Variants in RPS6KA2 observed in about 807,000 individuals in gnomAD.
RPS6KA2 encodes ribosomal protein S6 kinase alpha-2.
A neutral mutation model predicts 91.8 loss-of-function variants in RPS6KA2; 42 were observed. The ratio of observed to expected loss-of-function variants is 0.46; its 90% CI spans 0.36 to 0.59. The LOEUF (loss-of-function observed/expected upper bound fraction) is 0.59, where lower values mean the gene tolerates loss of function less well. Among genes scored for constraint, RPS6KA2 ranks in the 20% least tolerant of loss-of-function variants. The probability of loss-of-function intolerance (pLI) is 0.00; values close to 1 mark genes in which losing one functional copy is unlikely to be tolerated. For missense variants in RPS6KA2, 798 were observed against 978.5 expected (o/e 0.82, Z 2.46); for synonymous variants, 414 against 393.6 (o/e 1.05, Z -0.61).
chr6:166,698,963 C>T (rs567481215), intron 2 of RPS6KA2, among the ~76,000 whole-genome samples: 5 of 152,110 alleles, frequency 3.3e-5, no homozygotes, highest in South Asian at 4.2e-4. Context: ...AGGCGAGGAA[C>T]GAAGAGGTCA....
At chr6:166,854,661 T>C (rs1380459044) in intron 2 of RPS6KA2, among the ~76,000 whole-genome samples, 1 of 152,212 alleles carries the variant, frequency 6.6e-6, no homozygotes, top group Non-Finnish European at 1.5e-5. Context: ...ATCAGTTTAG[T>C]TGCCACAAAA....
chr6:166,470,804 T>A (rs1780738824), intron 10 of RPS6KA2, among the ~76,000 whole-genome samples: 1 of 152,242 alleles, frequency 6.6e-6, no homozygotes, highest in Non-Finnish European at 1.5e-5. Context: ...TGCTGCAGTT[T>A]CTGTTCAGTT....
At chr6:166,545,220 G>T (rs1783788008) in intron 1 of RPS6KA2, among the ~76,000 whole-genome samples, 1 of 152,230 alleles carries the variant, frequency 6.6e-6, no homozygotes, top group South Asian at 2.1e-4. Context: ...ATGCTCAAAT[G>T]GATGCCGCAG....
chr6:166,654,104 G>A (rs145363326), intron 2 of RPS6KA2, among the ~76,000 whole-genome samples: 1 of 152,288 alleles, frequency 6.6e-6, no homozygotes, highest in East Asian at 1.9e-4. Context: ...CATCATATTG[G>A]TCAAGCTTTC....
chr6:166,620,385 T>G (rs556054291), intron 1 of RPS6KA2, among the ~76,000 whole-genome samples: 10 of 152,322 alleles, frequency 6.6e-5, no homozygotes, highest in Admixed American at 1.3e-4. Flanking sequence ...GCCTTCTCCT[T>G]TCTCCCAACA....
At chr6:166,451,318 T>C in intron 12 of RPS6KA2, 85 bp from the exon 13 acceptor site, 1 of 1,500,490 alleles carries the variant, frequency 6.7e-7, no homozygotes, top group Admixed American at 1.7e-5. Flanking sequence ...GCATGTGGTA[T>C]GTGTGTGCAA....
chr6:166,559,133 C>T (rs1342211456), intron 1 of RPS6KA2, among the ~76,000 whole-genome samples: 2 of 152,124 alleles, frequency 1.3e-5, no homozygotes, highest in East Asian at 3.9e-4. Context: ...GAATATGACA[C>T]ACCGGAACTA....
intron 3 of RPS6KA2, among the ~76,000 whole-genome samples, chr6:166,529,908 C>T (rs894014801): frequency 6.6e-6 from 1 of 152,212 alleles, no homozygotes; most frequent in Non-Finnish European, 1.5e-5. Context: ...CCAGATTTCT[C>T]TCCCCTATAG....
At chr6:166,836,732 G>C (rs1172302224) in intron 2 of RPS6KA2, among the ~76,000 whole-genome samples, 1 of 152,170 alleles carries the variant, frequency 6.6e-6, no homozygotes, top group African/African-American at 2.4e-5. Context: ...CCAGTCTCGA[G>C]GACAGGTTGG....
chr6:166,423,822 C>CTGTGAGG lies in RPS6KA2; in HGVS notation c.1582-412_1582-406dup, dbSNP rs1168656858. Reference sequence around the variant, plus strand: ...CTCCCTGTGTGCCCACCCCCATGCACTGTGAGGTGTTGGAGCAGCACCAGT... The same window carrying CTGTGAGG: ...CTCCCTGTGTGCCCACCCCCATGCACTGTGAGGTGTGAGGTGTTGGAGCAGCACCAGT... On this transcript the variant is annotated intron_variant, in intron 16 of 20. Coordinates refer to ENST00000265678, the MANE Select transcript of RPS6KA2 (RefSeq NM_021135.6). The surrounding 1 kb of genome is among the most constrained non-coding windows in gnomAD (Gnocchi z 4.8). The CTGTGAGG allele has an allele frequency of 6.1e-6, 1 of 164,082 alleles. No individual in the cohort carries two copies. The highest frequency in any genetic ancestry group is 1.8e-4 in the East Asian group (1 of 5,562). 10.2% of individuals were successfully genotyped at this position (164,082 alleles called of 1,614,324 possible).
At chr6:166,526,835 T>C (rs2128490144) in intron 3 of RPS6KA2, among the ~76,000 whole-genome samples, 1 of 152,364 alleles carries the variant, frequency 6.6e-6, no homozygotes. Flanking sequence ...GCCCTTCACT[T>C]TGGCATGTTT....
rs756070883 is a variant in RPS6KA2 at position 166,533,957 on chromosome 6, T to A, written c.217-2644A>T. On this transcript the variant is annotated intron_variant, in intron 2 of 20. Coordinates refer to ENST00000265678, the MANE Select transcript of RPS6KA2 (RefSeq NM_021135.6). This position sits in a 1 kb window ranked among gnomAD's most constrained non-coding sequence, Gnocchi z 4.0. ...AAAAATTAGGGCTGGGTGCGGTGGC[T>A]CACGCCTGTAATCCCAGCACTTTGG... is the stretch of plus-strand genomic sequence containing the variant. Among the ~76,000 whole-genome samples the A allele has an allele frequency of 3.9e-5, 6 of 152,102 alleles. No individual in the cohort carries two copies. The highest frequency in any genetic ancestry group is 5.9e-5 in the Non-Finnish European group (4 of 68,018).
At chr6:166,553,119 GT>G (rs1162931119) in intron 1 of RPS6KA2, among the ~76,000 whole-genome samples, 1 of 152,174 alleles carries the variant, frequency 6.6e-6, no homozygotes, top group Non-Finnish European at 1.5e-5. Context: ...CTCATTTTTG[GT>G]TTTTGTTTTT....
chr6:166,612,780 C>A lies in RPS6KA2; in HGVS notation c.99+14141G>T, dbSNP rs1260049448. 3.3e-5 allele frequency among the ~76,000 whole-genome samples: 5 copies of A among 152,176 alleles called. No individual in the cohort carries two copies. Among genetic ancestry groups the A allele is most frequent in the African/African-American group, 4.8e-5 (2 of 41,414 alleles). On this transcript the variant is annotated intron_variant, in intron 1 of 20. Coordinates refer to ENST00000265678, the MANE Select transcript of RPS6KA2 (RefSeq NM_021135.6). This position sits in a 1 kb window ranked among gnomAD's most constrained non-coding sequence, Gnocchi z 4.3. ...TGGATGTTTTCCCAAGTGGCCACTG[C>A]CAAATTTACTCCACATCAGCCTCTC...
At position 166,508,102 on chromosome 6, in the gene RPS6KA2, C is replaced by T. The variant is rs894140052; in HGVS notation, c.459+101G>A. The T allele has an allele frequency of 9.7e-6, 7 of 722,230 alleles. No individual in the cohort carries two copies. Among genetic ancestry groups the T allele is most frequent in the South Asian group, 3.4e-5 (2 of 59,090 alleles). 44.7% of individuals were successfully genotyped at this position (722,230 alleles called of 1,614,324 possible). A position where few individuals can be genotyped will look rare whatever the true frequency, so the allele number is the denominator to read the frequency against. ...ACCCCCACACACACACACGCACTCT[C>T]GCACGTGCTCACGTCCTCTCAATGC... On this transcript the variant is annotated intron_variant, in intron 5 of 20. Coordinates refer to ENST00000265678, the MANE Select transcript of RPS6KA2 (RefSeq NM_021135.6). This position sits in a 1 kb window ranked among gnomAD's most constrained non-coding sequence, Gnocchi z 4.3.
Position 166,737,482 on chromosome 6 carries a change from G to GA in RPS6KA2, c.123+120717dup, listed in dbSNP as rs1790700852. Among the ~76,000 whole-genome samples the GA allele has an allele frequency of 6.6e-6, 1 of 152,240 alleles. No individual in the cohort carries two copies. Among genetic ancestry groups the GA allele is most frequent in the Non-Finnish European group, 1.5e-5 (1 of 68,018 alleles). On this transcript the variant is annotated intron_variant, in intron 2 of 21. Coordinates refer to the RPS6KA2 transcript ENST00000503859. This position sits in a 1 kb window ranked among gnomAD's most constrained non-coding sequence, Gnocchi z 4.3. ...TTATAATCAGCATCAAGCAGACAGT[G>GA]AAAAATCTATAAATTAGAGATAAGC...
intron 9 of RPS6KA2, among the ~76,000 whole-genome samples, chr6:166,489,189 T>G (rs1781512062): frequency 1.3e-5 from 2 of 152,108 alleles, no homozygotes; most frequent in African/African-American, 4.8e-5. Context: ...TTCACTTTAA[T>G]AAATTTTTAT....
chr6:166,519,945 T>C (rs571200960), intron 3 of RPS6KA2, among the ~76,000 whole-genome samples: 1 of 152,310 alleles, frequency 6.6e-6, no homozygotes, highest in African/African-American at 2.4e-5. Context: ...TGGGTGTGTG[T>C]GTGAGGGCGT....
intron 14 of RPS6KA2, among the ~76,000 whole-genome samples, chr6:166,447,598 C>T (rs1779721221): frequency 1.3e-5 from 2 of 152,108 alleles, no homozygotes; most frequent in African/African-American, 4.8e-5. Context: ...TGAGGATCTA[C>T]CCTTTTGAAA....
Sources: gnomAD v4.1 joint callset for allele counts (sites outside exome capture counted in the v4.1 genomes callset) on GRCh38, gnomAD v4.1.1 for gene constraint, Gnocchi (gnomAD v3.1) non-coding constraint, MANE v1.5 for transcripts, NCBI Gene and HGNC (gene_info 2026-07-23, HGNC 2026-07-21) for gene names.